The following KIAA0825 variants were observed in gnomAD, a reference collection of about 807,000 sequenced individuals.
KIAA0825 encodes the protein KIAA0825.
A neutral mutation model predicts 147.6 loss-of-function variants in KIAA0825; 119 were observed. The observed-to-expected ratio is 0.81, with a 90% CI of 0.69 to 0.94. The LOEUF (loss-of-function observed/expected upper bound fraction) is 0.94. Ranked by LOEUF, KIAA0825 falls within the 40% of genes least tolerant of loss-of-function variation. The pLI is 0.00. For synonymous variants in KIAA0825, 470 were observed against 518.1 expected, an observed-to-expected ratio of 0.91 and a Z score of 1.26; for missense variants, 1,381 against 1,472.7, an observed-to-expected ratio of 0.94 and a Z score of 1.02.
intron 20 of KIAA0825, among the ~76,000 whole-genome samples, chr5:94,213,249 T>A (rs1166566632): frequency 6.6e-6 from 1 of 152,076 alleles, no homozygotes; most frequent in Non-Finnish European, 1.5e-5. Flanking sequence ...GGCATCATGA[T>A]TTTCCTTTTT....
intron 2 of KIAA0825, among the ~76,000 whole-genome samples, chr5:94,548,436 A>T (rs1012712618): frequency 6.6e-6 from 1 of 152,188 alleles, no homozygotes; most frequent in African/African-American, 2.4e-5. Context: ...AAATGCAAGA[A>T]ATTAAATCAG....
intron 16 of KIAA0825, among the ~76,000 whole-genome samples, chr5:94,402,970 A>G (rs559047243): frequency 5.5e-4 from 84 of 152,094 alleles, no homozygotes; most frequent in Non-Finnish European, 1.1e-3. Context: ...TAAACGAATA[A>G]TGTAGGTAAC....
chr5:94,356,071 G>A (rs1471716102), intron 20 of KIAA0825, among the ~76,000 whole-genome samples: 1 of 152,120 alleles, frequency 6.6e-6, no homozygotes, highest in East Asian at 1.9e-4. Flanking sequence ...GAAGCTCTGA[G>A]GGGCAAGGTC....
intron 20 of KIAA0825, among the ~76,000 whole-genome samples, chr5:94,168,373 T>G (rs1768264597): frequency 6.6e-6 from 1 of 152,144 alleles, no homozygotes; most frequent in Non-Finnish European, 1.5e-5. Context: ...TAATCTGAAT[T>G]TATAGCCTTC....
At chr5:94,594,825 T>C (rs555507424) in intron 1 of KIAA0825, 1 of 440,684 alleles carries the variant, frequency 2.3e-6, no homozygotes, top group African/African-American at 2.1e-5. Flanking sequence ...TGTTATCATG[T>C]GTCACATTTG....
intron 20 of KIAA0825, among the ~76,000 whole-genome samples, chr5:94,354,791 T>C (rs1442502713): frequency 6.6e-6 from 1 of 152,214 alleles, no homozygotes; most frequent in African/African-American, 2.4e-5. Flanking sequence ...TTACAGTGTA[T>C]AAAAATCTCA....
chr5:94,587,829 T>C (rs945923096), intron 1 of KIAA0825, among the ~76,000 whole-genome samples: 4 of 152,220 alleles, frequency 2.6e-5, no homozygotes, highest in African/African-American at 9.7e-5. Flanking sequence ...AACAGCATGC[T>C]ACTGGTACCA....
intron 20 of KIAA0825, among the ~76,000 whole-genome samples, chr5:94,217,257 A>G (rs1445550410): frequency 6.6e-6 from 1 of 152,238 alleles, no homozygotes; most frequent in Non-Finnish European, 1.5e-5. Context: ...TATCATTTAA[A>G]AAAACTTTCC....
chr5:94,278,415 T>C (rs1427287811), intron 20 of KIAA0825, among the ~76,000 whole-genome samples: 2 of 152,158 alleles, frequency 1.3e-5, no homozygotes, highest in African/African-American at 4.8e-5. Context: ...GTATTCCATA[T>C]AGAAAATTCA....
chr5:94,330,869 T>A (rs1781196447), intron 20 of KIAA0825, among the ~76,000 whole-genome samples: 1 of 151,968 alleles, frequency 6.6e-6, no homozygotes, highest in Admixed American at 6.6e-5. Context: ...GCACTGTAGG[T>A]CACACCTGTA....
intron 20 of KIAA0825, among the ~76,000 whole-genome samples, chr5:94,179,637 T>C (rs1157039285): frequency 1.3e-5 from 2 of 152,010 alleles, no homozygotes; most frequent in South Asian, 2.1e-4. Flanking sequence ...TCTGGAGAAA[T>C]AGCTGATTCT....
intron 1 of KIAA0825, among the ~76,000 whole-genome samples, chr5:94,608,403 AGGTGTGTGCCACCACACCTGGC>A (rs1787900414): frequency 9.2e-6 from 1 of 108,782 alleles, no homozygotes; most frequent in Non-Finnish European, 1.8e-5. Flanking sequence ...CTGGGACTAC[AGGTGTGTGCCACCACACCTGGC>A]TAATTTTGTG....
chr5:94,222,114 A>C (rs1773717388), intron 20 of KIAA0825, among the ~76,000 whole-genome samples: 1 of 152,140 alleles, frequency 6.6e-6, no homozygotes, highest in African/African-American at 2.4e-5. Context: ...GAACCTTAAA[A>C]ATCACCGATT....
intron 20 of KIAA0825, among the ~76,000 whole-genome samples, chr5:94,161,763 T>A (rs1042657543): frequency 1.4e-4 from 22 of 152,222 alleles, no homozygotes; most frequent in Non-Finnish European, 3.1e-4. Flanking sequence ...AAGAGATGGA[T>A]TTATTTTTAT....
Position 94,462,604 on chromosome 5 carries a change from C to A in KIAA0825, c.2064-35G>T, listed in dbSNP as rs537526637. ...AGAAAGAAAAGAAAATCATGTTAAA[C>A]AAAATAATGTCTCTGCTTGGTAGGC... On this transcript the variant is annotated intron_variant, in intron 11 of 20. Coordinates refer to ENST00000682413, the MANE Select transcript of KIAA0825 (RefSeq NM_001145678.3). 3.8e-6 allele frequency: 5 copies of A among 1,301,344 alleles called. No homozygotes were observed. In the South Asian group the frequency reaches 8.1e-5, roughly 21 times the overall value. 80.6% of individuals were successfully genotyped at this position (1,301,344 alleles called of 1,614,324 possible). A position where few individuals can be genotyped will look rare whatever the true frequency, so the allele number is the denominator to read the frequency against.
chr5:94,226,513 T>G (rs1338009973), intron 20 of KIAA0825, among the ~76,000 whole-genome samples: 1 of 152,038 alleles, frequency 6.6e-6, no homozygotes, highest in Non-Finnish European at 1.5e-5. Flanking sequence ...TCCCATAAAC[T>G]GAGTATATAC....
chr5:94,169,487 C>T (rs554216111), intron 20 of KIAA0825, among the ~76,000 whole-genome samples: 7 of 144,532 alleles, frequency 4.8e-5, no homozygotes, highest in East Asian at 2.1e-4. Flanking sequence ...GAGGCTGAGG[C>T]GGGAGAATCA....
intron 20 of KIAA0825, among the ~76,000 whole-genome samples, chr5:94,321,445 A>C (rs1780190820): frequency 6.6e-6 from 1 of 152,028 alleles, no homozygotes; most frequent in South Asian, 2.1e-4. Flanking sequence ...ACAACCTTAC[A>C]AAGTAACTCC....
In KIAA0825 at chr5:94,462,487, G is replaced by A. The variant is rs1759962319; in HGVS notation, c.2146C>T (p.His716Tyr). 5.8e-6 allele frequency: 9 copies of A among 1,543,634 alleles called. No individual in the cohort carries two copies. The highest frequency in any genetic ancestry group is 7.9e-6 in the Non-Finnish European group (9 of 1,141,282). Reference protein sequence around the residue: ...CTSVQKLLNPHQHTDDKIFKI... With the variant: ...CTSVQKLLNPYQHTDDKIFKI... ...AAAATTTTATCATCTGTATGCTGAT[G>A]AGGATTCAAAAGTTTCTGTACAGAT... Residue 716 changes from histidine (H) to tyrosine (Y), a missense_variant, in exon 12 of 21, where the codon CAT becomes TAT. Transcript: ENST00000682413.
Sources: gnomAD v4.1 joint callset for allele counts (sites outside exome capture counted in the v4.1 genomes callset) on GRCh38, gnomAD v4.1.1 for gene constraint, MANE v1.5 for transcripts, NCBI Gene and HGNC (gene_info 2026-07-23, HGNC 2026-07-21) for gene names.